The following FAAH2 variants were observed in gnomAD, a reference collection of about 807,000 sequenced individuals.
FAAH2 encodes fatty acid amide hydrolase 2.
In FAAH2, 60 loss-of-function variants were observed where a neutral mutation model predicts 36.9. The observed-to-expected ratio is 1.63, with a 90% CI of 1.32 to 2.02. The LOEUF (loss-of-function observed/expected upper bound fraction) is 2.02. FAAH2 is among the 30% of genes most tolerant of loss of function. The pLI, the probability that FAAH2 is intolerant of heterozygous loss-of-function variation, is 0.00. For synonymous variants in FAAH2, 214 were observed against 143.8 expected, an observed-to-expected ratio of 1.49 and a Z score of -3.49; for missense variants, 689 against 397.5, an observed-to-expected ratio of 1.73 and a Z score of -6.23.
At chrX:57,314,013 C>A (rs2052766477) in intron 3 of FAAH2, among the ~76,000 whole-genome samples, 1 of 111,393 alleles carries the variant, frequency 9.0e-6, no homozygotes, top group South Asian at 3.8e-4. Flanking sequence ...GTAATGACAC[C>A]CACATGCTCA....
rs759205435 is a variant in FAAH2 at position 57,346,832 on chromosome X, C to T, written c.742+5442C>T. On this transcript the variant is annotated intron_variant, in intron 5 of 10. Coordinates refer to ENST00000374900, the MANE Select transcript of FAAH2 (RefSeq NM_174912.4). ...TTTTTTATTTATGAAGCTTAGTTTG[C>T]CAGGACATGAAATCCTTAGTTGGAA... 4.5e-5 allele frequency among the ~76,000 whole-genome samples: 5 copies of T among 111,323 alleles called. No homozygotes were observed. In the East Asian group the frequency reaches 1.1e-3, roughly 25 times the overall value.
upstream of FAAH2, among the ~76,000 whole-genome samples, chrX:57,284,824 C>A (rs192991116): frequency 8.1e-5 from 9 of 111,162 alleles, no homozygotes; most frequent in East Asian, 2.3e-3. Flanking sequence ...AGCTGTTATT[C>A]TACTTTACAG....
chrX:57,162,535 T>A, the FAAH2 span, among the ~76,000 whole-genome samples: 3 of 111,700 alleles, frequency 2.7e-5, no homozygotes, highest in Admixed American at 2.8e-4. Context: ...CATAGTCCCG[T>A]ATTTCTTGGA....
At chrX:57,123,568 G>A in the FAAH2 span, among the ~76,000 whole-genome samples, 1 of 112,075 alleles carries the variant, frequency 8.9e-6, no homozygotes, top group African/African-American at 3.2e-5. Flanking sequence ...GAACCCTGAG[G>A]AATCGCCACG....
At chrX:57,160,643 A>G in the FAAH2 span, among the ~76,000 whole-genome samples, 10 of 112,153 alleles carry the variant, frequency 8.9e-5, no homozygotes, top group African/African-American at 2.9e-4. Context: ...TGTTTATAGT[A>G]TTCTCTGATA....
At chrX:57,458,182 G>A (rs1373701759) in intron 10 of FAAH2, among the ~76,000 whole-genome samples, 1 of 111,756 alleles carries the variant, frequency 8.9e-6, no homozygotes, top group Non-Finnish European at 1.9e-5. Context: ...ATGAGCAAAA[G>A]TAAGCAATGG....
At chrX:57,361,639 C>T (rs1228856710) in intron 5 of FAAH2, among the ~76,000 whole-genome samples, 1 of 110,868 alleles carries the variant, frequency 9.0e-6, no homozygotes, top group African/African-American at 3.3e-5. Flanking sequence ...TAATTGAGGT[C>T]AAAGAAGATA....
chrX:57,169,355 C>T, the FAAH2 span, among the ~76,000 whole-genome samples: 259 of 99,969 alleles, frequency 2.6e-3, 2 homozygotes, highest in South Asian at 0.021. Flanking sequence ...CTAAAAATTG[C>T]CCTATGATTC....
At chrX:57,196,094 T>C in the FAAH2 span, among the ~76,000 whole-genome samples, 4 of 111,968 alleles carry the variant, frequency 3.6e-5, no homozygotes, top group African/African-American at 1.3e-4. Context: ...CTCCTTTTTG[T>C]TTCCATATGA....
chrX:57,432,622 G>A (rs2056327397), intron 8 of FAAH2, among the ~76,000 whole-genome samples: 1 of 111,297 alleles, frequency 9.0e-6, no homozygotes, highest in Non-Finnish European at 1.9e-5. Context: ...CTTCCCTTAT[G>A]CCAGGTTTTT....
chrX:57,126,521 G>A, the FAAH2 span, among the ~76,000 whole-genome samples: 1 of 111,977 alleles, frequency 8.9e-6, no homozygotes, highest in African/African-American at 3.2e-5. Context: ...AACCTGAAAG[G>A]ATATGAGGAT....
chrX:57,172,516 T>A, the FAAH2 span, among the ~76,000 whole-genome samples: 1 of 112,024 alleles, frequency 8.9e-6, no homozygotes, highest in Admixed American at 9.4e-5. Flanking sequence ...ATAGGTGGCT[T>A]GTGTTAACGA....
chrX:57,423,933 C>T (rs1309864471), intron 7 of FAAH2, among the ~76,000 whole-genome samples: 1 of 111,486 alleles, frequency 9.0e-6, no homozygotes, highest in Non-Finnish European at 1.9e-5. Flanking sequence ...GAAAGTACCA[C>T]CTAATGAACA....
the FAAH2 span, among the ~76,000 whole-genome samples, chrX:57,156,472 A>G: frequency 9.0e-6 from 1 of 111,601 alleles, no homozygotes; most frequent in East Asian, 2.8e-4. Flanking sequence ...TTGAAGAGTT[A>G]TGTATTTATT....
intron 5 of FAAH2, among the ~76,000 whole-genome samples, chrX:57,350,833 TC>T (rs1478943164): frequency 9.0e-6 from 1 of 111,172 alleles, no homozygotes; most frequent in Non-Finnish European, 1.9e-5. Flanking sequence ...CATTGGAGCA[TC>T]CAAATTGATA....
chrX:57,401,522 G>A (rs1219141676), intron 7 of FAAH2, among the ~76,000 whole-genome samples: 1 of 111,530 alleles, frequency 9.0e-6, no homozygotes, highest in African/African-American at 3.3e-5. Context: ...TGATAATCCT[G>A]AGATCTTGCA....
chrX:57,395,238 CT>C, intron 7 of FAAH2: 1 of 617,880 alleles, frequency 1.6e-6, no homozygotes, highest in Non-Finnish European at 2.7e-6. Flanking sequence ...CTTCAGCAGC[CT>C]TCAGCTTCAC....
At chrX:57,455,381 G>A (rs1368159286) in intron 10 of FAAH2, among the ~76,000 whole-genome samples, 1 of 110,941 alleles carries the variant, frequency 9.0e-6, no homozygotes, top group African/African-American at 3.3e-5. Context: ...ACAATATAAA[G>A]CAGCTATGCA....
the FAAH2 span, among the ~76,000 whole-genome samples, chrX:57,129,651 C>T: frequency 8.9e-6 from 1 of 112,250 alleles, no homozygotes. Context: ...CTTCATATGA[C>T]AAAATCAGTT....
Sources: gnomAD v4.1 joint callset for allele counts (sites outside exome capture counted in the v4.1 genomes callset) on GRCh38, gnomAD v4.1.1 for gene constraint, MANE v1.5 for transcripts, NCBI Gene and HGNC (gene_info 2026-07-23, HGNC 2026-07-21) for gene names.